Variants in DISC1 observed in about 807,000 individuals in gnomAD.
The protein encoded by DISC1 is DISC1 scaffold protein, also known as disrupted in schizophrenia 1 protein.
A neutral mutation model predicts 84.5 loss-of-function variants in DISC1; 57 were observed. The ratio of observed to expected loss-of-function variants is 0.67; its 90% CI spans 0.55 to 0.84. The LOEUF (loss-of-function observed/expected upper bound fraction) is 0.84, where lower values mean the gene tolerates loss of function less well. Ranked by LOEUF, DISC1 falls within the 40% of genes least tolerant of loss-of-function variation. DISC1 has a pLI of 0.00. For synonymous variants in DISC1, 411 were observed against 415.2 expected (o/e 0.99, Z 0.12); for missense variants, 1,000 against 1,057.8 (o/e 0.95, Z 0.76).
intron 3 of DISC1, among the ~76,000 whole-genome samples, chr1:231,737,847 G>C (rs942432344): frequency 1.3e-5 from 2 of 152,100 alleles, no homozygotes; most frequent in African/African-American, 4.8e-5. Flanking sequence ...TTGAGGGCAA[G>C]CTGCAGTTTT....
At chr1:231,748,110 T>A (rs775535382) in intron 3 of DISC1, among the ~76,000 whole-genome samples, 3 of 152,252 alleles carry the variant, frequency 2.0e-5, no homozygotes, top group Non-Finnish European at 4.4e-5. Context: ...ACTGAATTCA[T>A]TTATCAGTTC....
chr1:231,895,820 C>A (rs1483555873), intron 9 of DISC1, among the ~76,000 whole-genome samples: 3 of 152,182 alleles, frequency 2.0e-5, no homozygotes, highest in Non-Finnish European at 4.4e-5. Context: ...ACTGCAGTTG[C>A]CTCAGAACCG....
intron 8 of DISC1, chr1:231,813,178 A>G (rs141450522): frequency 3.9e-5 from 6 of 152,312 alleles, no homozygotes; most frequent in Admixed American, 6.5e-5. Flanking sequence ...CTCTGTATAT[A>G]TAGTCTCTTC....
intron 3 of DISC1, among the ~76,000 whole-genome samples, chr1:231,735,568 C>G (rs887052410): frequency 1.3e-5 from 2 of 152,230 alleles, no homozygotes; most frequent in African/African-American, 4.8e-5. Context: ...TGGAGTCAGA[C>G]AGACCTTGGC....
chr1:231,892,371 G>C (rs1256859747), intron 9 of DISC1, among the ~76,000 whole-genome samples: 1 of 152,130 alleles, frequency 6.6e-6, no homozygotes, highest in Non-Finnish European at 1.5e-5. Context: ...TGACTGCCAA[G>C]GGTGTGGGGT....
intron 6 of DISC1, 147 bp downstream of exon 6, chr1:231,771,217 A>G: frequency 6.9e-7 from 1 of 1,450,210 alleles, no homozygotes; most frequent in Non-Finnish European, 9.1e-7. Flanking sequence ...TTGGGTGGGA[A>G]AATTCTTCAC....
intron 1 of DISC1, among the ~76,000 whole-genome samples, chr1:231,687,333 C>T (rs1179479179): frequency 1.3e-5 from 2 of 152,094 alleles, no homozygotes; most frequent in African/African-American, 2.4e-5. Flanking sequence ...CTGGGGAGGC[C>T]TCAGAATCAT....
chr1:231,744,163 C>T (rs1371580800), intron 3 of DISC1, among the ~76,000 whole-genome samples: 1 of 152,144 alleles, frequency 6.6e-6, no homozygotes, highest in Non-Finnish European at 1.5e-5. Flanking sequence ...ACTCTTAAAA[C>T]ATTTTCTCAT....
chr1:231,693,838 G>T lies in DISC1; in HGVS notation c.80G>T (p.Cys27Phe), dbSNP rs771251513. ...CTTTTCTTCCCAGGCAGCCGGGATT[G>T]CTTACCACCTGCAGCGTGCTTTCGG... ...GVSHRAGSRD[C>F]LPPAACFRRR... Residue 27 changes from cysteine (C) to phenylalanine (F), a missense_variant, in exon 2 of 13, where the codon TGC becomes TTC. Around this residue, in one of 3 missense-constraint regions of DISC1, gnomAD observed 292 missense variants for 280.2 expected, o/e 1.04. Transcript: ENST00000439617. 1 of 1,613,528 alleles carries T rather than the reference G, an allele frequency of 6.2e-7. No homozygotes were observed. Among genetic ancestry groups the T allele is most frequent in the African/African-American group, 1.3e-5 (1 of 74,918 alleles).
intron 1 of DISC1, among the ~76,000 whole-genome samples, chr1:231,690,756 G>T (rs1043084520): frequency 3.3e-5 from 5 of 152,146 alleles, no homozygotes; most frequent in African/African-American, 1.2e-4. Context: ...GCCTTATATG[G>T]GTTTCCTGGA....
intron 10 of DISC1, among the ~76,000 whole-genome samples, chr1:232,007,811 A>G (rs562633281): frequency 7.4e-4 from 112 of 152,312 alleles, no homozygotes; most frequent in African/African-American, 2.6e-3. Context: ...GTCCCCACCC[A>G]AATTTCATCT....
rs1439429504 is a variant in DISC1, at chr1:231,708,197, A to G, written c.1117+6173A>G. ...TTTCTTTGAGGGTATTTCCGCGGAGATTAGTATGAGTCTGCGTGTACTAGG... is the reference window on the plus strand; with the variant it reads ...TTTCTTTGAGGGTATTTCCGCGGAGGTTAGTATGAGTCTGCGTGTACTAGG... On this transcript the variant is annotated intron_variant, in intron 3 of 12. Coordinates refer to ENST00000439617, the MANE Select transcript of DISC1 (RefSeq NM_018662.3). Among the ~76,000 whole-genome samples, 3 of 152,088 alleles carry G rather than the reference A, an allele frequency of 2.0e-5. No individual in the cohort carries two copies. In the East Asian group the frequency reaches 5.8e-4, roughly 29 times the overall value.
intron 3 of DISC1, among the ~76,000 whole-genome samples, chr1:231,731,169 T>C (rs1200245271): frequency 6.6e-6 from 1 of 152,170 alleles, no homozygotes; most frequent in Non-Finnish European, 1.5e-5. Flanking sequence ...TTAGGCAGTA[T>C]TGATTCAGGA....
intron 7 of DISC1, among the ~76,000 whole-genome samples, chr1:231,796,686 G>A (rs571291902): frequency 2.6e-5 from 4 of 152,242 alleles, no homozygotes; most frequent in African/African-American, 7.2e-5. Context: ...AGTGGTGCCC[G>A]TAAGACAGCA....
chr1:231,976,731 G>A (rs968599056), intron 10 of DISC1, among the ~76,000 whole-genome samples: 1 of 152,086 alleles, frequency 6.6e-6, no homozygotes, highest in Non-Finnish European at 1.5e-5. Flanking sequence ...AGAAACAAGA[G>A]CTTTTAAAAA....
At chr1:231,945,972 G>A (rs923723090) in intron 9 of DISC1, among the ~76,000 whole-genome samples, 3 of 152,126 alleles carry the variant, frequency 2.0e-5, no homozygotes, top group African/African-American at 7.2e-5. Context: ...GCAATTAATA[G>A]CCTACCAACC....
At position 231,955,780 on chromosome 1, in the gene DISC1, G is replaced by A. The variant is rs556850543; in HGVS notation, c.1982-3048G>A. On this transcript the variant is annotated intron_variant, in intron 9 of 12. Coordinates refer to ENST00000439617, the MANE Select transcript of DISC1 (RefSeq NM_018662.3). ...GCTGGGATTACAGGTGTGAGCTACC[G>A]CACCCAGCCAACTTTTCTTTTTCTT... Among the ~76,000 whole-genome samples, 191 of 152,000 alleles carry A rather than the reference G, an allele frequency of 1.3e-3. 3 individuals are homozygous for A. The highest frequency in any genetic ancestry group is 1.6e-3 in the Non-Finnish European group (108 of 67,984).
intron 8 of DISC1, among the ~76,000 whole-genome samples, chr1:231,817,668 A>T (rs1193320156): frequency 6.6e-6 from 1 of 152,186 alleles, no homozygotes; most frequent in African/African-American, 2.4e-5. Context: ...GTATTTTTTA[A>T]AAAATCATCT....
chr1:231,888,209 G>A (rs935341578), intron 9 of DISC1, among the ~76,000 whole-genome samples: 2 of 152,280 alleles, frequency 1.3e-5, no homozygotes, highest in East Asian at 1.9e-4. Flanking sequence ...GTTCTTATGC[G>A]ATAGTGGACA....
Sources: allele counts gnomAD v4.1 joint callset (sites outside exome capture counted in the v4.1 genomes callset), GRCh38; gene constraint gnomAD v4.1.1; regional missense constraint gnomAD v4.1.1; transcripts MANE v1.5; gene names NCBI Gene and HGNC (gene_info 2026-07-23, HGNC 2026-07-21).